Variants in GPC3 observed in about 807,000 individuals in gnomAD.
GPC3 encodes glypican 3.
Under a neutral mutation model 34.4 loss-of-function variants are expected in GPC3, and 3 were observed. The ratio of observed to expected loss-of-function variants is 0.09; its 90% CI spans 0.04 to 0.23. The LOEUF is 0.23. Among genes scored for constraint, GPC3 ranks in the 10% least tolerant of loss-of-function variants. GPC3 has a pLI of 1.00. For missense variants in GPC3, 351 were observed against 445.6 expected, an observed-to-expected ratio of 0.79 and a Z score of 1.91; for synonymous variants, 177 against 174.0, an observed-to-expected ratio of 1.02 and a Z score of -0.13.
chrX:133,740,478 C>T (rs1219867943), intron 3 of GPC3, among the ~76,000 whole-genome samples: 1 of 111,951 alleles, frequency 8.9e-6, no homozygotes, highest in Non-Finnish European at 1.9e-5. Flanking sequence ...GCTTTTTTGT[C>T]TAGAACTTGT....
At position 133,536,202 on chromosome X, in the gene GPC3, G is replaced by A. The variant is rs1248944051; in HGVS notation, c.1665C>T (p.Leu555=). 1.1e-5 allele frequency: 13 copies of A among 1,201,124 alleles called. No homozygotes were observed. The highest frequency in any genetic ancestry group is 1.4e-5 in the Non-Finnish European group (12 of 888,858). ...KDNEISTFHN[L]GNVHSPLKLL... is the part of the protein sequence containing the mutation. ...GCTTCAGCGGGGAATGAACGTTCCC[G>A]AGGTTGTGAAAGGTGCTTATCTCGT... The change falls in exon 8 of 8, where the codon CTC becomes CTT. Residue 555 remains leucine, a synonymous_variant. Transcript: ENST00000370818.
At chrX:133,673,084 G>C (rs1304351274) in intron 5 of GPC3, among the ~76,000 whole-genome samples, 2 of 109,800 alleles carry the variant, frequency 1.8e-5, no homozygotes, top group African/African-American at 6.6e-5. Flanking sequence ...GGGATTACAG[G>C]CGCACACCAC....
At chrX:133,953,861 TAACA>T (rs2076403873) in intron 1 of GPC3, among the ~76,000 whole-genome samples, 1 of 111,395 alleles carries the variant, frequency 9.0e-6, no homozygotes, top group Non-Finnish European at 1.9e-5. Flanking sequence ...TTCTGGGAGA[TAACA>T]AACAAACAAA....
intron 2 of GPC3, among the ~76,000 whole-genome samples, chrX:133,888,576 C>G (rs1414474813): frequency 1.8e-5 from 2 of 112,127 alleles, no homozygotes; most frequent in Admixed American, 9.5e-5. Flanking sequence ...CACAACCTCT[C>G]CAGCATCTGT....
chrX:133,739,679 C>T (rs1287366705), intron 3 of GPC3, among the ~76,000 whole-genome samples: 1 of 108,481 alleles, frequency 9.2e-6, no homozygotes, highest in Non-Finnish European at 1.9e-5. Flanking sequence ...GACCCTGTCT[C>T]TACTAAAAAA....
chrX:133,767,350 A>G lies in GPC3; in HGVS notation c.338-13174T>C, dbSNP rs1464896590. Among the ~76,000 whole-genome samples the G allele has an allele frequency of 2.7e-5, 3 of 112,056 alleles. No homozygotes were observed. The Admixed American group carries it at 2.8e-4, about 11-fold the overall frequency. On this transcript the variant is annotated intron_variant, in intron 2 of 7. Transcript: ENST00000370818. ...TGCCTTAGAGTCATGATGAAATGGA[A>G]ATTATAAGAAAATAAGTGAAAAAGG...
chrX:133,922,033 G>GC (rs2076251041), intron 2 of GPC3, among the ~76,000 whole-genome samples: 1 of 112,343 alleles, frequency 8.9e-6, no homozygotes, highest in Non-Finnish European at 1.9e-5. Flanking sequence ...GCAGTCGCCG[G>GC]CTACTCTGCC....
intron 2 of GPC3, among the ~76,000 whole-genome samples, chrX:133,868,042 C>G (rs1368633111): frequency 1.8e-5 from 2 of 110,683 alleles, no homozygotes. Flanking sequence ...CATGTGTGAC[C>G]CAATTCTTCT....
chrX:133,733,274 T>C (rs1431103774), intron 3 of GPC3, among the ~76,000 whole-genome samples: 2 of 110,262 alleles, frequency 1.8e-5, no homozygotes, highest in Non-Finnish European at 3.8e-5. Context: ...TAATGGACTT[T>C]AGGGACTCAG....
At chrX:133,674,012 C>A (rs770290215) in intron 5 of GPC3, among the ~76,000 whole-genome samples, 6 of 110,961 alleles carry the variant, frequency 5.4e-5, no homozygotes, top group Non-Finnish European at 9.4e-5. Context: ...ATTGCTTGAG[C>A]CCAGGAGTTC....
At chrX:133,813,470 G>T (rs1479033487) in intron 2 of GPC3, among the ~76,000 whole-genome samples, 1 of 112,626 alleles carries the variant, frequency 8.9e-6, no homozygotes, top group Non-Finnish European at 1.9e-5. Flanking sequence ...AACACTATAT[G>T]CAGCATTAAG....
chrX:133,792,498 A>T (rs2072175854), intron 2 of GPC3, among the ~76,000 whole-genome samples: 1 of 111,228 alleles, frequency 9.0e-6, no homozygotes, highest in Admixed American at 9.5e-5. Context: ...CTTTTCTGAT[A>T]AGGATTTGGC....
intron 6 of GPC3, among the ~76,000 whole-genome samples, chrX:133,656,750 G>A (rs1419051689): frequency 9.0e-6 from 1 of 111,626 alleles, no homozygotes; most frequent in Non-Finnish European, 1.9e-5. Context: ...AGAATTGGGT[G>A]GGGGGAAGGG....
intron 7 of GPC3, among the ~76,000 whole-genome samples, chrX:133,538,720 G>A (rs757013290): frequency 9.8e-6 from 1 of 102,298 alleles, no homozygotes; most frequent in East Asian, 3.2e-4. Context: ...CCAGGCTGCA[G>A]TATAGTGGTG....
At chrX:133,832,784 T>C (rs1206581797) in intron 2 of GPC3, among the ~76,000 whole-genome samples, 1 of 112,281 alleles carries the variant, frequency 8.9e-6, no homozygotes, top group Non-Finnish European at 1.9e-5. Context: ...TGTTTGCTGG[T>C]ATTAAAATTA....
intron 2 of GPC3, among the ~76,000 whole-genome samples, chrX:133,776,878 C>CTTTTTTTTT (rs10633635): frequency 2.6e-4 from 21 of 79,618 alleles, no homozygotes; most frequent in Admixed American, 3.7e-4. Context: ...CCTTTCTTTT[C>CTTTTTTTTT]TTTTTTTTTT....
chrX:133,763,286 A>T (rs1416419456), intron 2 of GPC3: 1 of 558,834 alleles, frequency 1.8e-6, no homozygotes, highest in Admixed American at 2.2e-5. Flanking sequence ...ATCCCATGCA[A>T]CAACAAGGGA....
At chrX:133,721,003 C>T (rs2124454987) in intron 3 of GPC3, among the ~76,000 whole-genome samples, 1 of 109,037 alleles carries the variant, frequency 9.2e-6, no homozygotes, top group Admixed American at 9.9e-5. Flanking sequence ...CTCCATGTAA[C>T]CAAAAACCAC....
intron 6 of GPC3, among the ~76,000 whole-genome samples, chrX:133,603,831 C>A (rs1024216706): frequency 6.3e-5 from 7 of 111,872 alleles, no homozygotes; most frequent in African/African-American, 2.3e-4. Context: ...AAGGGTATGG[C>A]AGCATGGGAC....
Sources: allele counts gnomAD v4.1 joint callset (sites outside exome capture counted in the v4.1 genomes callset), GRCh38; gene constraint gnomAD v4.1.1; transcripts MANE v1.5; gene names NCBI Gene and HGNC (gene_info 2026-07-23, HGNC 2026-07-21).